Variants in CALN1 observed in about 807,000 individuals in gnomAD.
The protein encoded by CALN1 is calneuron 1, also known as calcium-binding protein 8.
In CALN1, 17 loss-of-function variants were observed where a neutral mutation model predicts 30.6. The observed-to-expected ratio is 0.56, with a 90% confidence interval of 0.38 to 0.83. The LOEUF (loss-of-function observed/expected upper bound fraction) is 0.83, where lower values mean the gene tolerates loss of function less well. Ranked by LOEUF, CALN1 falls within the 40% of genes least tolerant of loss-of-function variation. CALN1 has a pLI of 0.00. For missense variants in CALN1, 291 were observed against 354.9 expected, an observed-to-expected ratio of 0.82 and a Z score of 1.45; for synonymous variants, 156 against 131.4, an observed-to-expected ratio of 1.19 and a Z score of -1.28.
intron 3 of CALN1, among the ~76,000 whole-genome samples, chr7:72,252,072 T>C (rs1268541064): frequency 6.6e-6 from 1 of 152,178 alleles, no homozygotes; most frequent in African/African-American, 2.4e-5. Context: ...AGACTCAGTT[T>C]TGTAATGGCC....
At position 71,994,828 on chromosome 7, in the gene CALN1, G is replaced by A. The variant is rs1425355994; in HGVS notation, c.501+28829C>T. ...CAGGTGTGCCATCTGCATAGCTCAC[G>A]AAGAACCTGGCTGCCCCTTCCTATT... On this transcript the variant is annotated intron_variant, in intron 5 of 6. Transcript: ENST00000395275. Among the ~76,000 whole-genome samples the A allele has an allele frequency of 4.0e-5, 6 of 151,176 alleles. No individual in the cohort carries two copies. The South Asian group carries it at 1.0e-3, about 26-fold the overall frequency.
rs575699101 is a variant in CALN1, at chr7:72,214,243, G to A, written c.244+64443C>T. On this transcript the variant is annotated intron_variant, in intron 3 of 6. Coordinates refer to ENST00000395275, the MANE Select transcript of CALN1 (RefSeq NM_031468.4). ...GCCTGTAATCCCAGCACTTTGGGAG[G>A]CCTAGGCAGACGGATTGCCTGAGGT... Among the ~76,000 whole-genome samples, 161 of 152,322 alleles carry A rather than the reference G, an allele frequency of 1.1e-3. 4 individuals are homozygous for A. The highest frequency in any genetic ancestry group is 3.5e-3 in the African/African-American group (147 of 41,576).
intron 4 of CALN1, among the ~76,000 whole-genome samples, chr7:72,098,299 C>T (rs1360081422): frequency 6.6e-6 from 1 of 152,086 alleles, no homozygotes; most frequent in Non-Finnish European, 1.5e-5. Context: ...AGAGTGACCA[C>T]AAGAGAACAA....
chr7:72,500,814 C>T, the CALN1 span, among the ~76,000 whole-genome samples: 1 of 151,962 alleles, frequency 6.6e-6, no homozygotes, highest in Admixed American at 6.6e-5. Flanking sequence ...TGTCCAGTTA[C>T]TTCCATTCCA....
At chr7:72,204,474 G>C (rs867499824) in intron 3 of CALN1, among the ~76,000 whole-genome samples, 2 of 152,002 alleles carry the variant, frequency 1.3e-5, no homozygotes, top group Non-Finnish European at 2.9e-5. Context: ...CAACCAACCC[G>C]ATCATTGAAT....
intron 2 of CALN1, among the ~76,000 whole-genome samples, chr7:72,344,564 A>T (rs934374831): frequency 2.7e-5 from 4 of 147,174 alleles, no homozygotes; most frequent in African/African-American, 9.9e-5. Context: ...ATATATATAT[A>T]TATTTATTTA....
chr7:72,223,989 G>C (rs1284925505), intron 3 of CALN1, among the ~76,000 whole-genome samples: 2 of 152,060 alleles, frequency 1.3e-5, no homozygotes, highest in East Asian at 3.9e-4. Flanking sequence ...CAGACAGTGG[G>C]GACTACTAGA....
chr7:72,111,465 AT>A (rs534061562), intron 3 of CALN1, among the ~76,000 whole-genome samples: 4 of 150,314 alleles, frequency 2.7e-5, no homozygotes, highest in East Asian at 2.0e-4. Context: ...CTGGTAACTT[AT>A]TTTTTTTTTC....
At chr7:72,415,157 T>C (rs903222550), upstream of CALN1, among the ~76,000 whole-genome samples, 9 of 152,222 alleles carry the variant, frequency 5.9e-5, no homozygotes, top group Admixed American at 1.3e-4. Context: ...GCTGTTAAGG[T>C]ATAGTTTAAG....
chr7:72,266,772 A>G (rs899791963), intron 3 of CALN1, among the ~76,000 whole-genome samples: 2 of 152,124 alleles, frequency 1.3e-5, no homozygotes, highest in African/African-American at 4.8e-5. Context: ...AAACTACTAG[A>G]AGACTTAGCA....
chr7:71,894,614 T>C (rs1403260147), intron 5 of CALN1, among the ~76,000 whole-genome samples: 1 of 152,198 alleles, frequency 6.6e-6, no homozygotes, highest in Non-Finnish European at 1.5e-5. Flanking sequence ...TATTCTGTAT[T>C]CCAGATGAGA....
chr7:72,016,448 A>T (rs555302684), intron 5 of CALN1, among the ~76,000 whole-genome samples: 180 of 151,394 alleles, frequency 1.2e-3, no homozygotes, highest in African/African-American at 3.4e-3. Flanking sequence ...TATTATTATT[A>T]TTTTTTGAGA....
intron 3 of CALN1, among the ~76,000 whole-genome samples, chr7:72,187,916 A>G (rs1476670289): frequency 6.6e-6 from 1 of 151,036 alleles, no homozygotes; most frequent in East Asian, 1.9e-4. Context: ...CAAAACCACA[A>G]TGTAATACCA....
intron 5 of CALN1, among the ~76,000 whole-genome samples, chr7:71,812,772 C>G (rs1330322935): frequency 6.6e-6 from 1 of 151,856 alleles, no homozygotes; most frequent in Non-Finnish European, 1.5e-5. Context: ...GAGACAAGGT[C>G]TTGCTCGGTG....
chr7:72,108,412 T>A (rs1807327376), intron 3 of CALN1, among the ~76,000 whole-genome samples: 1 of 152,238 alleles, frequency 6.6e-6, no homozygotes, highest in African/African-American at 2.4e-5. Context: ...GCTACACTAT[T>A]GCATCCAGTG....
intron 3 of CALN1, among the ~76,000 whole-genome samples, chr7:72,166,974 T>C (rs775378438): frequency 6.6e-6 from 1 of 151,662 alleles, no homozygotes; most frequent in Non-Finnish European, 1.5e-5. Flanking sequence ...GTGAAGGTTG[T>C]AGTGAGCCGA....
chr7:72,203,781 G>A (rs1355967232), intron 3 of CALN1, among the ~76,000 whole-genome samples: 3 of 152,024 alleles, frequency 2.0e-5, no homozygotes, highest in Non-Finnish European at 4.4e-5. Flanking sequence ...AGTAATTTGA[G>A]GTCTGAATTT....
intron 5 of CALN1, among the ~76,000 whole-genome samples, chr7:71,854,397 G>C (rs755485333): frequency 4.6e-5 from 7 of 150,770 alleles, no homozygotes; most frequent in Non-Finnish European, 7.4e-5. Flanking sequence ...AAGAAAGAAG[G>C]AAAGAAAAAA....
In CALN1 at chr7:71,787,739, G is replaced by C. The variant is rs201522077; in HGVS notation, c.*36C>G. ...CTGCCCGCACGGCATGCACATGCGC[G>C]GTGAGCTGCAACACAGTGTGGCTGG... On this transcript the variant is annotated 3_prime_UTR_variant, in exon 7 of 7. Coordinates refer to ENST00000395275, the MANE Select transcript of CALN1 (RefSeq NM_031468.4). The C allele has an allele frequency of 1.2e-6, 2 of 1,610,768 alleles. No individual in the cohort carries two copies. The highest frequency in any genetic ancestry group is 2.2e-5 in the South Asian group (2 of 90,888).
Sources: allele counts gnomAD v4.1 joint callset (sites outside exome capture counted in the v4.1 genomes callset), GRCh38; gene constraint gnomAD v4.1.1; transcripts MANE v1.5; gene names NCBI Gene and HGNC (gene_info 2026-07-23, HGNC 2026-07-21).